Variants in PTPRN2 observed in about 807,000 individuals in gnomAD.
PTPRN2 encodes the protein protein tyrosine phosphatase receptor type N2.
A neutral mutation model predicts 118.8 loss-of-function variants in PTPRN2; 74 were observed. The observed-to-expected ratio is 0.62, with a 90% CI of 0.52 to 0.76. PTPRN2 has a LOEUF of 0.76. Ranked by LOEUF, PTPRN2 falls within the 30% of genes least tolerant of loss-of-function variation. PTPRN2 has a pLI of 0.00. For synonymous variants in PTPRN2, 641 were observed against 608.0 expected, an observed-to-expected ratio of 1.05 and a Z score of -0.80; for missense variants, 1,481 against 1,394.4, an observed-to-expected ratio of 1.06 and a Z score of -0.99.
In PTPRN2 at chr7:157,787,711, C is replaced by T. The variant is rs981628690; in HGVS notation, c.1789-104774G>A. The stretch of plus-strand genomic sequence containing the variant: ...AGACGGGGTGGTGTTTGAGCTGGTG[C>T]CATCTGGGTCCCCTGGGGTGGTGGC... On this transcript the variant is annotated intron_variant, in intron 12 of 22. Transcript: ENST00000389418. The surrounding 1 kb of genome is among the most constrained non-coding windows in gnomAD (Gnocchi z 5.3). Among the ~76,000 whole-genome samples the T allele has an allele frequency of 2.0e-5, 3 of 152,160 alleles. No homozygotes were observed. The highest frequency in any genetic ancestry group is 2.9e-5 in the Non-Finnish European group (2 of 68,024).
intron 11 of PTPRN2, among the ~76,000 whole-genome samples, chr7:157,920,983 G>T (rs1171495819): frequency 6.6e-6 from 1 of 152,124 alleles, no homozygotes; most frequent in Non-Finnish European, 1.5e-5. Flanking sequence ...TTTGGTATTT[G>T]CTAAATAGAG....
intron 14 of PTPRN2, among the ~76,000 whole-genome samples, chr7:157,624,694 T>G (rs916315918): frequency 6.6e-6 from 1 of 152,224 alleles, no homozygotes; most frequent in African/African-American, 2.4e-5. Context: ...CCATCATAAG[T>G]TGGGGGCCGT....
At chr7:157,962,495 A>T (rs2117520) in intron 11 of PTPRN2, among the ~76,000 whole-genome samples, 129,777 of 152,270 alleles carry the variant, frequency 0.85, 55,526 homozygotes, top group East Asian at 0.9. Flanking sequence ...GATCCAGGAC[A>T]GCAGACCAAG....
intron 11 of PTPRN2, among the ~76,000 whole-genome samples, chr7:158,061,121 C>G (rs73748011): frequency 0.079 from 12,083 of 152,288 alleles, 1,083 homozygotes; most frequent in African/African-American, 0.23. Context: ...TGCCGGCTCA[C>G]TGAAGGGTGG....
At chr7:158,107,490 C>T (rs1296418939) in intron 10 of PTPRN2, among the ~76,000 whole-genome samples, 2 of 152,114 alleles carry the variant, frequency 1.3e-5, no homozygotes, top group Non-Finnish European at 2.9e-5. Context: ...GATGCCCAAA[C>T]ATCCCAGGCC....
rs13310663 is a variant in PTPRN2, at chr7:157,617,461, C to T, written c.2344+3901G>A. ...ACGCAGCTGCAGCGCAGAGCACGGG[C>T]GACGCTGGCTCACGATGCCCCAGTG... On this transcript the variant is annotated intron_variant, in intron 15 of 22. Coordinates refer to ENST00000389418, the MANE Select transcript of PTPRN2 (RefSeq NM_002847.5). The surrounding 1 kb of genome is among the most constrained non-coding windows in gnomAD (Gnocchi z 7.5). 1 of 98,920 alleles carries T rather than the reference C, an allele frequency of 1.0e-5. No individual in the cohort carries two copies. 6.1% of individuals were successfully genotyped at this position (98,920 alleles called of 1,614,324 possible). A position where few individuals can be genotyped will look rare whatever the true frequency, so the allele number is the denominator to read the frequency against.
intron 21 of PTPRN2, among the ~76,000 whole-genome samples, 193 bp downstream of exon 21, chr7:157,568,709 C>A (rs370194268): frequency 6.6e-6 from 1 of 151,900 alleles, no homozygotes; most frequent in Admixed American, 6.5e-5. Context: ...AGGCTCGGCA[C>A]GCAGAGGCAG....
chr7:158,479,122 G>T (rs1184091897), intron 2 of PTPRN2, among the ~76,000 whole-genome samples: 2 of 152,124 alleles, frequency 1.3e-5, no homozygotes, highest in Non-Finnish European at 2.9e-5. Flanking sequence ...GAGGTGCAAA[G>T]TGGCTGCCTG....
chr7:157,819,447 C>T (rs1036796813), intron 12 of PTPRN2, among the ~76,000 whole-genome samples: 5 of 152,180 alleles, frequency 3.3e-5, no homozygotes, highest in Non-Finnish European at 5.9e-5. Flanking sequence ...GAGGAAGAAG[C>T]GCGAGGGCGC....
chr7:157,975,206 G>T (rs1174964620), intron 11 of PTPRN2, among the ~76,000 whole-genome samples: 1 of 152,122 alleles, frequency 6.6e-6, no homozygotes, highest in African/African-American at 2.4e-5. Context: ...TCCAGTTCCT[G>T]CCAACACTGC....
In PTPRN2 at chr7:157,657,134, CAT is replaced by C. The variant is rs1165315628; in HGVS notation, c.2002-585_2002-584del. On this transcript the variant is annotated intron_variant, in intron 13 of 22. Transcript: ENST00000389418. ...CACACACATCACACATATACACACA[CAT>C]ACGCCACACACACACACCACACACA... is the stretch of plus-strand genomic sequence containing the variant. Among the ~76,000 whole-genome samples, 17 of 135,534 alleles carry C rather than the reference CAT, an allele frequency of 1.3e-4. 1 individual carries two copies. The highest frequency in any genetic ancestry group is 4.0e-4 in the African/African-American group (14 of 35,430). The allele number at this position is 135,534 out of a possible 152,430, so 88.9% of individuals were successfully genotyped here.
Position 158,512,864 on chromosome 7 carries a change from A to T in PTPRN2, c.113-23079T>A, listed in dbSNP as rs78294042. ...CACGGAACGGGCTGCCGGCAGCCGA[A>T]GCTGGAACAATGTGAGCAAACAAAA... On this transcript the variant is annotated intron_variant, in intron 1 of 22. Transcript: ENST00000389418. Among the ~76,000 whole-genome samples, 1,165 of 152,354 alleles carry T rather than the reference A, an allele frequency of 7.6e-3. 17 individuals carry two copies. Among genetic ancestry groups the T allele is most frequent in the African/African-American group, 0.027 (1,107 of 41,578 alleles).
At position 157,929,472 on chromosome 7, in the gene PTPRN2, G is replaced by A. The variant is rs1384574439; in HGVS notation, c.1724-30735C>T. Among the ~76,000 whole-genome samples the A allele has an allele frequency of 1.3e-5, 2 of 152,104 alleles. No individual in the cohort carries two copies. Among genetic ancestry groups the A allele is most frequent in the East Asian group, 3.9e-4 (2 of 5,172 alleles). ...CCACCGGATCGTTTCCCATGCTTAA[G>A]CTCAGACGCCCACCCAGCACAGCCT... On this transcript the variant is annotated intron_variant, in intron 11 of 22. Coordinates refer to ENST00000389418, the MANE Select transcript of PTPRN2 (RefSeq NM_002847.5). This position sits in a 1 kb window ranked among gnomAD's most constrained non-coding sequence, Gnocchi z 4.4.
chr7:158,318,131 C>T (rs1303925069), intron 2 of PTPRN2, among the ~76,000 whole-genome samples: 1 of 152,102 alleles, frequency 6.6e-6, no homozygotes, highest in Non-Finnish European at 1.5e-5. Context: ...CTCTCGGGGA[C>T]GCGTCTGCAG....
chr7:157,665,316 G>C (rs1375051741), intron 13 of PTPRN2, among the ~76,000 whole-genome samples: 1 of 152,254 alleles, frequency 6.6e-6, no homozygotes, highest in Admixed American at 6.5e-5. Flanking sequence ...CCTTGAGTTT[G>C]TAAGGATGAG....
Position 157,596,168 on chromosome 7 carries a change from G to A in PTPRN2, c.2419-853C>T, listed in dbSNP as rs77366826. Reference sequence around the variant, plus strand: ...CATGGACAAACTTGCCAGCGTCCTGGGAGAACGAACTAGCGCTACCTGCTG... The same window carrying A: ...CATGGACAAACTTGCCAGCGTCCTGAGAGAACGAACTAGCGCTACCTGCTG... On this transcript the variant is annotated intron_variant, in intron 16 of 22. Transcript: ENST00000389418. This position sits in a 1 kb window ranked among gnomAD's most constrained non-coding sequence, Gnocchi z 4.2. 8.3e-3 allele frequency among the ~76,000 whole-genome samples: 1,259 copies of A among 152,344 alleles called. 39 individuals are homozygous for A. The highest frequency in any genetic ancestry group is 0.048 in the Admixed American group (731 of 15,308).
At chr7:158,420,613 CT>C (rs772207568) in intron 2 of PTPRN2, among the ~76,000 whole-genome samples, 2 of 152,304 alleles carry the variant, frequency 1.3e-5, no homozygotes, top group East Asian at 3.9e-4. Context: ...CGCATTGCCC[CT>C]GAGTTCCCTT....
At chr7:157,823,049 TC>T (rs1233953263) in intron 12 of PTPRN2, among the ~76,000 whole-genome samples, 1 of 152,006 alleles carries the variant, frequency 6.6e-6, no homozygotes, top group Non-Finnish European at 1.5e-5. Context: ...CATCCTTCTA[TC>T]CACTCATCCA....
chr7:157,700,465 G>A (rs553718135), intron 12 of PTPRN2, among the ~76,000 whole-genome samples: 2 of 152,118 alleles, frequency 1.3e-5, no homozygotes, highest in Non-Finnish European at 1.5e-5. Context: ...CCATCTTTGG[G>A]GTGAGGCTTG....
Sources: allele counts gnomAD v4.1 joint callset (sites outside exome capture counted in the v4.1 genomes callset), GRCh38; gene constraint gnomAD v4.1.1; non-coding constraint Gnocchi (gnomAD v3.1); transcripts MANE v1.5; gene names NCBI Gene and HGNC (gene_info 2026-07-23, HGNC 2026-07-21).